ROBO2: variants seen among roughly 807,000 people sequenced by gnomAD.
ROBO2 encodes roundabout guidance receptor 2.
ROBO2 carries 53 observed loss-of-function variants against 160.8 expected under a neutral mutation model. That is an observed-to-expected ratio of 0.33 (90% confidence interval 0.26 to 0.41). ROBO2 has a LOEUF of 0.41. Ranked by LOEUF, ROBO2 falls within the 10% of genes least tolerant of loss-of-function variation. The pLI, the probability that ROBO2 is intolerant of heterozygous loss-of-function variation, is 1.00. For synonymous variants in ROBO2, 664 were observed against 611.7 expected (o/e 1.09, Z -1.26); for missense variants, 1,577 against 1,722.4 (o/e 0.92, Z 1.49).
At chr3:76,835,401 AATAATAT>A (rs1034580954) in intron 2 of ROBO2, among the ~76,000 whole-genome samples, 1 of 147,620 alleles carries the variant, frequency 6.8e-6, no homozygotes, top group African/African-American at 2.5e-5. Context: ...TATTATATAT[AATAATAT>A]ATAATATATA....
chr3:76,891,172 A>G (rs1385451936), intron 2 of ROBO2, among the ~76,000 whole-genome samples: 1 of 152,076 alleles, frequency 6.6e-6, no homozygotes, highest in Non-Finnish European at 1.5e-5. Context: ...ATTTTTAAAT[A>G]TTTCTGTATT....
chr3:76,225,789 T>C (rs922630008), intron 2 of ROBO2, among the ~76,000 whole-genome samples: 11 of 152,280 alleles, frequency 7.2e-5, no homozygotes, highest in African/African-American at 2.6e-4. Flanking sequence ...GTTATAAAAA[T>C]GAATTCAGAC....
intron 2 of ROBO2, among the ~76,000 whole-genome samples, chr3:76,053,335 T>A (rs2067717746): frequency 6.6e-6 from 1 of 152,048 alleles, no homozygotes; most frequent in Non-Finnish European, 1.5e-5. Flanking sequence ...AGAGTTAAAT[T>A]TAAATAAAAC....
chr3:76,875,399 G>A (rs1445160144), intron 2 of ROBO2, among the ~76,000 whole-genome samples: 1 of 152,208 alleles, frequency 6.6e-6, no homozygotes, highest in Non-Finnish European at 1.5e-5. Flanking sequence ...TCCTATGGCT[G>A]CTATAACAAA....
chr3:77,501,179 T>C (rs891766020), intron 5 of ROBO2, among the ~76,000 whole-genome samples: 3 of 152,038 alleles, frequency 2.0e-5, no homozygotes, highest in Admixed American at 1.3e-4. Flanking sequence ...AACCAAACTA[T>C]AGGACAAGCC....
chr3:76,502,702 G>A (rs1004146570), intron 2 of ROBO2, among the ~76,000 whole-genome samples: 1 of 152,112 alleles, frequency 6.6e-6, no homozygotes, highest in African/African-American at 2.4e-5. Flanking sequence ...ATCCCCTTAA[G>A]TATTTATCCT....
At chr3:76,342,876 A>G (rs1196874369) in intron 2 of ROBO2, among the ~76,000 whole-genome samples, 5 of 152,144 alleles carry the variant, frequency 3.3e-5, no homozygotes, top group South Asian at 2.1e-4. Flanking sequence ...CATCATTTCT[A>G]TTAGTGACAC....
intron 23 of ROBO2, among the ~76,000 whole-genome samples, chr3:77,624,732 A>G (rs1232997604): frequency 4.6e-5 from 7 of 152,130 alleles, no homozygotes; most frequent in African/African-American, 1.7e-4. Context: ...TGGTGTGAAT[A>G]AATTAGTCAT....
At chr3:76,921,435 A>G (rs1204266036) in intron 2 of ROBO2, among the ~76,000 whole-genome samples, 1 of 152,098 alleles carries the variant, frequency 6.6e-6, no homozygotes, top group Non-Finnish European at 1.5e-5. Flanking sequence ...AACATGGTGA[A>G]ATCCCATCTC....
chr3:77,523,581 C>T lies in ROBO2; in HGVS notation c.934+679C>T, dbSNP rs147027468. Among the ~76,000 whole-genome samples the T allele has an allele frequency of 3.2e-4, 49 of 151,442 alleles. No individual in the cohort carries two copies. The East Asian group carries it at 6.4e-3, about 20-fold the overall frequency. ...TGCTTATAAGTGAAAGAAAGCATTACTTAACTTCACAGTGCACTAGAATAA... is the reference window on the plus strand; with the variant it reads ...TGCTTATAAGTGAAAGAAAGCATTATTTAACTTCACAGTGCACTAGAATAA... On this transcript the variant is annotated intron_variant, in intron 6 of 25. Transcript: ENST00000461745.
chr3:76,596,051 C>T (rs1235497715), intron 2 of ROBO2, among the ~76,000 whole-genome samples: 1 of 151,924 alleles, frequency 6.6e-6, no homozygotes, highest in East Asian at 1.9e-4. Context: ...ATGTTTATTT[C>T]TTGAAAGGTT....
intron 2 of ROBO2, among the ~76,000 whole-genome samples, chr3:76,897,929 G>A (rs2074933675): frequency 6.6e-6 from 1 of 152,030 alleles, no homozygotes; most frequent in Non-Finnish European, 1.5e-5. Context: ...TTTGTTGTTT[G>A]TAGAATTTTC....
At chr3:76,082,446 G>A (rs2068867185) in intron 2 of ROBO2, among the ~76,000 whole-genome samples, 1 of 152,100 alleles carries the variant, frequency 6.6e-6, no homozygotes, top group South Asian at 2.1e-4. Context: ...GCAGGAACAA[G>A]AGGGTAAACA....
intron 2 of ROBO2, among the ~76,000 whole-genome samples, chr3:75,948,474 A>G (rs1948408007): frequency 6.6e-6 from 1 of 152,086 alleles, no homozygotes; most frequent in African/African-American, 2.4e-5. Flanking sequence ...CCCTAGCCAC[A>G]TGCCAATTCA....
At chr3:77,142,953 G>C (rs1278257683) in intron 2 of ROBO2, among the ~76,000 whole-genome samples, 1 of 152,152 alleles carries the variant, frequency 6.6e-6, no homozygotes, top group African/African-American at 2.4e-5. Context: ...GCACTCAGCA[G>C]TCACTCTGTC....
intron 2 of ROBO2, among the ~76,000 whole-genome samples, chr3:76,583,406 C>A (rs1209756793): frequency 1.3e-5 from 2 of 152,184 alleles, no homozygotes; most frequent in African/African-American, 4.8e-5. Context: ...TTCACACACA[C>A]TCAGGCAAAC....
chr3:75,974,744 G>T (rs1038766137), intron 2 of ROBO2, among the ~76,000 whole-genome samples: 1 of 151,398 alleles, frequency 6.6e-6, no homozygotes, highest in Non-Finnish European at 1.5e-5. Flanking sequence ...TTAGTGTGTT[G>T]TAAATTTCCA....
chr3:77,219,468 GTATATATATATATATAATCTGTA>G (rs2085465722), intron 2 of ROBO2, among the ~76,000 whole-genome samples: 1 of 122,238 alleles, frequency 8.2e-6, no homozygotes, highest in Admixed American at 8.8e-5. Context: ...ATGTATCTGT[GTATATATATATATATAATCTGTA>G]TATATATATA....
intron 2 of ROBO2, among the ~76,000 whole-genome samples, chr3:76,092,071 G>C (rs1455373923): frequency 6.6e-6 from 1 of 152,106 alleles, no homozygotes; most frequent in Admixed American, 6.5e-5. Flanking sequence ...TATGGACTTT[G>C]AGTGATAACA....
Sources: allele counts gnomAD v4.1 joint callset (sites outside exome capture counted in the v4.1 genomes callset), GRCh38; gene constraint gnomAD v4.1.1; transcripts MANE v1.5; gene names NCBI Gene and HGNC (gene_info 2026-07-23, HGNC 2026-07-21).